The following PIP5K1B variants were observed in gnomAD, a reference collection of about 807,000 sequenced individuals.
The protein encoded by PIP5K1B is phosphatidylinositol 4-phosphate 5-kinase type-1 beta.
PIP5K1B carries 42 observed loss-of-function variants against 67.0 expected under a neutral mutation model. That is an observed-to-expected ratio of 0.63 (90% CI 0.49 to 0.81). PIP5K1B has a LOEUF of 0.81. Ranked by LOEUF, PIP5K1B falls within the 30% of genes least tolerant of loss-of-function variation. The pLI, the probability that PIP5K1B is intolerant of heterozygous loss-of-function variation, is 0.00. For missense variants in PIP5K1B, 459 were observed against 646.3 expected (o/e 0.71, Z 3.14); for synonymous variants, 214 against 231.4 (o/e 0.92, Z 0.68).
intron 14 of PIP5K1B, among the ~76,000 whole-genome samples, chr9:68,964,970 G>T (rs565214289): frequency 1.2e-4 from 18 of 152,322 alleles, no homozygotes; most frequent in African/African-American, 4.3e-4. Context: ...CAGGCATGTG[G>T]CCTTATGTAG....
At chr9:68,779,190 T>A (rs1831083655) in intron 2 of PIP5K1B, among the ~76,000 whole-genome samples, 1 of 152,136 alleles carries the variant, frequency 6.6e-6, no homozygotes, top group African/African-American at 2.4e-5. Flanking sequence ...TAATGAGATA[T>A]CAAGGTTTTA....
chr9:68,899,931 CAAGT>C (rs1279689974), intron 8 of PIP5K1B, among the ~76,000 whole-genome samples: 2 of 152,206 alleles, frequency 1.3e-5, no homozygotes, highest in Admixed American at 6.5e-5. Context: ...CCTCCACCCT[CAAGT>C]AGGCCCTTGT....
chr9:68,963,462 C>T (rs1828856155), intron 14 of PIP5K1B: 1 of 238,282 alleles, frequency 4.2e-6, no homozygotes, highest in African/African-American at 2.3e-5. Flanking sequence ...GAGATTATGC[C>T]ATTGCACTCC....
At chr9:68,726,333 G>A (rs1828148018) in intron 1 of PIP5K1B, among the ~76,000 whole-genome samples, 1 of 152,074 alleles carries the variant, frequency 6.6e-6, no homozygotes, top group Non-Finnish European at 1.5e-5. Flanking sequence ...AAGTGACAGA[G>A]GAATCTGACT....
chr9:68,992,813 C>G (rs886547329), intron 15 of PIP5K1B, among the ~76,000 whole-genome samples: 3 of 125,670 alleles, frequency 2.4e-5, no homozygotes, highest in African/African-American at 9.6e-5. Flanking sequence ...GCATTCCCAC[C>G]TAGGCAACAG....
chr9:68,980,657 C>T lies in PIP5K1B; in HGVS notation c.1503-10483C>T, dbSNP rs552172987. Among the ~76,000 whole-genome samples, 19 of 152,244 alleles carry T rather than the reference C, an allele frequency of 1.2e-4. No individual in the cohort carries two copies. The South Asian group carries it at 3.7e-3, about 30-fold the overall frequency. ...TTGTGAGATGGGCTGGGCATCTTTC[C>T]CACCCACAGATGAGGAACCAGGAGC... On this transcript the variant is annotated intron_variant, in intron 14 of 15. Transcript: ENST00000265382.
intron 2 of PIP5K1B, among the ~76,000 whole-genome samples, chr9:68,756,741 T>C (rs566278419): frequency 6.6e-6 from 1 of 152,290 alleles, no homozygotes; most frequent in South Asian, 2.1e-4. Flanking sequence ...TGCATCTCAA[T>C]CTTTAGAAGA....
At chr9:68,781,601 GAAC>G (rs1190297567) in intron 2 of PIP5K1B, 1 of 166,638 alleles carries the variant, frequency 6.0e-6, no homozygotes, top group Non-Finnish European at 1.5e-5. Flanking sequence ...AATGATTAAA[GAAC>G]AAATTATAAA....
chr9:68,789,589 CAG>C, intron 2 of PIP5K1B: 1 of 466,742 alleles, frequency 2.1e-6, no homozygotes, highest in Non-Finnish European at 4.4e-6. Context: ...TATTCACAAA[CAG>C]AACAGTGTAC....
intron 4 of PIP5K1B, among the ~76,000 whole-genome samples, chr9:68,860,989 C>G (rs1321377206): frequency 1.3e-5 from 2 of 152,198 alleles, no homozygotes; most frequent in African/African-American, 2.4e-5. Flanking sequence ...GCACTTAGAA[C>G]AGTGCCTGCC....
At chr9:68,925,964 G>A (rs1219702946) in intron 12 of PIP5K1B, among the ~76,000 whole-genome samples, 1 of 151,300 alleles carries the variant, frequency 6.6e-6, no homozygotes, top group African/African-American at 2.4e-5. Context: ...CACCCAGCTG[G>A]TTTTTGCTTT....
intron 5 of PIP5K1B, among the ~76,000 whole-genome samples, 192 bp downstream of exon 5, chr9:68,864,159 G>A (rs1823247594): frequency 6.6e-6 from 1 of 152,184 alleles, no homozygotes; most frequent in African/African-American, 2.4e-5. Context: ...ATTTTTATGT[G>A]GAGATGGTAA....
At chr9:68,854,657 C>T (rs1197126551) in intron 4 of PIP5K1B, among the ~76,000 whole-genome samples, 12 of 152,172 alleles carry the variant, frequency 7.9e-5, no homozygotes, top group Non-Finnish European at 1.6e-4. Flanking sequence ...CCTAAACATG[C>T]CTTTGTCATG....
intron 8 of PIP5K1B, among the ~76,000 whole-genome samples, chr9:68,912,280 G>A (rs917763414): frequency 2.6e-5 from 4 of 152,124 alleles, no homozygotes; most frequent in East Asian, 1.9e-4. Context: ...TCCACAGTGC[G>A]TGGCACTCAA....
intron 2 of PIP5K1B, chr9:68,789,432 T>A (rs1039743122): frequency 4.2e-6 from 2 of 475,792 alleles, no homozygotes; most frequent in African/African-American, 2.0e-5. Context: ...GAAGAAACTC[T>A]GACAAATAGA....
chr9:68,742,152 C>T (rs1001983238), intron 1 of PIP5K1B: 1 of 152,122 alleles, frequency 6.6e-6, no homozygotes, highest in Admixed American at 6.6e-5. Flanking sequence ...ATTAAGAAGT[C>T]CTACATTTAG....
chr9:68,932,106 T>A (rs1827033226), intron 12 of PIP5K1B, among the ~76,000 whole-genome samples: 1 of 152,198 alleles, frequency 6.6e-6, no homozygotes, highest in African/African-American at 2.4e-5. Flanking sequence ...CTTTTTCCAG[T>A]CTTTTGGCCC....
chr9:68,763,923 A>ATTAGCC (rs1274192655), intron 2 of PIP5K1B, among the ~76,000 whole-genome samples: 1 of 152,054 alleles, frequency 6.6e-6, no homozygotes, highest in Non-Finnish European at 1.5e-5. Flanking sequence ...AGGCTGGTGG[A>ATTAGCC]TTAGCCTTGC....
chr9:68,986,508 G>A (rs955744085), intron 14 of PIP5K1B, among the ~76,000 whole-genome samples: 2 of 151,584 alleles, frequency 1.3e-5, no homozygotes, highest in African/African-American at 4.9e-5. Flanking sequence ...CCTCATTTTT[G>A]TCACCCAAAT....
Sources: allele counts gnomAD v4.1 joint callset (sites outside exome capture counted in the v4.1 genomes callset), GRCh38; gene constraint gnomAD v4.1.1; transcripts MANE v1.5; gene names NCBI Gene and HGNC (gene_info 2026-07-23, HGNC 2026-07-21).